The following SBF2 variants were observed in gnomAD, a reference collection of about 807,000 sequenced individuals.
The protein encoded by SBF2 is myotubularin-related protein 13.
SBF2 carries 112 observed loss-of-function variants against 225.2 expected under a neutral mutation model. The observed-to-expected ratio is 0.50, with a 90% CI of 0.43 to 0.58. The LOEUF (loss-of-function observed/expected upper bound fraction) is 0.58, where lower values mean the gene tolerates loss of function less well. Ranked by LOEUF, SBF2 falls within the 20% of genes least tolerant of loss-of-function variation. SBF2 has a pLI of 0.00. For missense variants in SBF2, 1,996 were observed against 2,206.2 expected, an observed-to-expected ratio of 0.90 and a Z score of 1.91; for synonymous variants, 763 against 773.3, an observed-to-expected ratio of 0.99 and a Z score of 0.22.
At chr11:9,798,181 A>C (rs1309321439) in intron 32 of SBF2, among the ~76,000 whole-genome samples, 1 of 152,124 alleles carries the variant, frequency 6.6e-6, no homozygotes, top group Non-Finnish European at 1.5e-5. Flanking sequence ...GCCTCTACTG[A>C]TACTTATGCA....
chr11:9,793,941 G>C (rs971078029), intron 33 of SBF2, among the ~76,000 whole-genome samples: 2 of 152,198 alleles, frequency 1.3e-5, no homozygotes, highest in East Asian at 3.8e-4. Context: ...TTGCTGATCA[G>C]CTTAATTCAG....
At chr11:10,103,702 G>C (rs1952418469) in intron 2 of SBF2, among the ~76,000 whole-genome samples, 1 of 152,092 alleles carries the variant, frequency 6.6e-6, no homozygotes, top group South Asian at 2.1e-4. Context: ...TAGAATGAAG[G>C]GAAATAACTT....
At chr11:10,158,193 TAAGAGGA>T (rs1360809842) in intron 2 of SBF2, among the ~76,000 whole-genome samples, 1 of 152,122 alleles carries the variant, frequency 6.6e-6, no homozygotes, top group African/African-American at 2.4e-5. Context: ...AAAGCAGTTC[TAAGAGGA>T]AAGTTTATAG....
At chr11:10,235,251 G>C (rs1325551188) in intron 1 of SBF2, among the ~76,000 whole-genome samples, 1 of 152,022 alleles carries the variant, frequency 6.6e-6, no homozygotes, top group Non-Finnish European at 1.5e-5. Flanking sequence ...TCAATTAATT[G>C]AGGCCAGGCA....
chr11:10,171,313 C>T (rs1163535476), intron 2 of SBF2, among the ~76,000 whole-genome samples: 2 of 152,084 alleles, frequency 1.3e-5, no homozygotes, highest in African/African-American at 4.8e-5. Context: ...AGGTATGTTC[C>T]TTCTATACCC....
chr11:9,788,992 C>T, intron 35 of SBF2, 117 bp downstream of exon 35: 1 of 862,646 alleles, frequency 1.2e-6, no homozygotes, highest in Non-Finnish European at 1.9e-6. Flanking sequence ...TCTTCATAAC[C>T]ATAACCCTAG....
intron 6 of SBF2, among the ~76,000 whole-genome samples, chr11:10,023,087 A>G (rs1948921634): frequency 1.3e-5 from 2 of 152,144 alleles, no homozygotes; most frequent in African/African-American, 4.8e-5. Flanking sequence ...TTTCATCTTT[A>G]TTAATTAGAA....
chr11:9,872,176 G>C (rs1858830179), intron 17 of SBF2, among the ~76,000 whole-genome samples: 1 of 152,212 alleles, frequency 6.6e-6, no homozygotes, highest in Non-Finnish European at 1.5e-5. Flanking sequence ...CAGGGATATA[G>C]ATGGAGGTGG....
chr11:10,148,113 C>G (rs1954972506), intron 2 of SBF2, among the ~76,000 whole-genome samples: 1 of 152,012 alleles, frequency 6.6e-6, no homozygotes, highest in African/African-American at 2.4e-5. Flanking sequence ...TATATTTGTG[C>G]TTTACTATAT....
intron 39 of SBF2, among the ~76,000 whole-genome samples, chr11:9,781,254 A>T (rs2133841058): frequency 6.6e-6 from 1 of 152,378 alleles, no homozygotes; most frequent in Admixed American, 6.5e-5. Context: ...CAAGGAGTTC[A>T]TCTGTTTCCA....
chr11:10,193,599 G>A (rs756136150), intron 2 of SBF2, among the ~76,000 whole-genome samples: 1 of 151,916 alleles, frequency 6.6e-6, no homozygotes, highest in Non-Finnish European at 1.5e-5. Context: ...TAATCCGCCC[G>A]CCTTGGCCTC....
intron 2 of SBF2, among the ~76,000 whole-genome samples, chr11:10,111,649 G>T (rs1952853470): frequency 6.6e-6 from 1 of 152,244 alleles, no homozygotes; most frequent in Non-Finnish European, 1.5e-5. Context: ...ACGGAGGTGG[G>T]CAGATCACTT....
intron 1 of SBF2, among the ~76,000 whole-genome samples, chr11:10,282,242 C>T (rs1365973640): frequency 2.0e-5 from 3 of 152,048 alleles, no homozygotes; most frequent in Admixed American, 6.6e-5. Context: ...TTTGCAATAC[C>T]TCTGACTACT....
At chr11:10,162,950 C>G (rs1056099136) in intron 2 of SBF2, among the ~76,000 whole-genome samples, 3 of 152,066 alleles carry the variant, frequency 2.0e-5, no homozygotes, top group Non-Finnish European at 4.4e-5. Flanking sequence ...AGTCTTTAGA[C>G]TAGTTTTAGC....
intron 1 of SBF2, among the ~76,000 whole-genome samples, chr11:10,278,001 C>G (rs1363659403): frequency 6.6e-6 from 1 of 152,128 alleles, no homozygotes; most frequent in Non-Finnish European, 1.5e-5. Context: ...TAACTAAGCA[C>G]TATTGTTTAA....
intron 2 of SBF2, among the ~76,000 whole-genome samples, chr11:10,128,615 G>C (rs1953875947): frequency 6.6e-6 from 1 of 152,150 alleles, no homozygotes; most frequent in African/African-American, 2.4e-5. Flanking sequence ...ATTACACACT[G>C]GTTAAAAACT....
intron 1 of SBF2, 85 bp downstream of exon 1, chr11:10,293,930 T>TCCCGG: frequency 9.6e-7 from 1 of 1,037,332 alleles, no homozygotes; most frequent in Non-Finnish European, 1.2e-6. Flanking sequence ...CCGACGCCCG[T>TCCCGG]CCCCGACGCC....
intron 1 of SBF2, among the ~76,000 whole-genome samples, chr11:10,248,939 C>CA (rs1283906629): frequency 1.8e-4 from 28 of 151,762 alleles, no homozygotes; most frequent in African/African-American, 4.8e-5. Flanking sequence ...ACTAAAAATA[C>CA]AAAAAAATTA....
Position 9,781,622 on chromosome 11 carries a change from G to A in SBF2, c.5336C>T (p.Ser1779Leu). The change falls in exon 39 of 40, where the codon TCA becomes TTA. Residue 1779 changes from serine to leucine, a missense_variant. Transcript: ENST00000256190. The part of the protein sequence containing the change: ...VTKHQLRYYD[S>L]GEDTSCKGHI... Reference sequence around the variant, plus strand: ...GCCTTTACAGCTTGTGTCCTCACCTGAGTCATAGTAGCGCAGCTGGAACCA... The same window carrying A: ...GCCTTTACAGCTTGTGTCCTCACCTAAGTCATAGTAGCGCAGCTGGAACCA... 2.5e-6 allele frequency: 4 copies of A among 1,614,204 alleles called. No homozygotes were observed. Among genetic ancestry groups the A allele is most frequent in the Non-Finnish European group, 3.4e-6 (4 of 1,180,032 alleles).
Sources: gnomAD v4.1 joint callset for allele counts (sites outside exome capture counted in the v4.1 genomes callset) on GRCh38, gnomAD v4.1.1 for gene constraint, MANE v1.5 for transcripts, NCBI Gene and HGNC (gene_info 2026-07-23, HGNC 2026-07-21) for gene names.